Variants in CCDC74A observed in about 807,000 individuals in gnomAD.
The protein encoded by CCDC74A is coiled-coil domain containing 74A.
CCDC74A carries 38 observed loss-of-function variants against 37.6 expected under a neutral mutation model. The observed-to-expected ratio is 1.01, with a 90% CI of 0.78 to 1.33. The LOEUF (loss-of-function observed/expected upper bound fraction) is 1.33. Ranked by LOEUF, CCDC74A falls within the 40% of genes most tolerant of loss-of-function variation. The pLI is 0.00. For synonymous variants in CCDC74A, 134 were observed against 165.2 expected, an observed-to-expected ratio of 0.81 and a Z score of 1.45; for missense variants, 340 against 403.4, an observed-to-expected ratio of 0.84 and a Z score of 1.35.
Position 131,527,991 on chromosome 2 carries a change from G to A in CCDC74A, c.21G>A (p.Ala7=), listed in dbSNP as rs549690077. The part of the protein sequence containing the change: MSGAGV[A]AGTRPPSSPT... The stretch of plus-strand genomic sequence containing the variant: ...GCGATATGAGCGGTGCGGGGGTGGC[G>A]GCTGGGACGCGGCCCCCCAGCTCGC... The change falls in exon 1 of 8, where the codon GCG becomes GCA. Residue 7 remains alanine, a synonymous_variant. Transcript: ENST00000409856. The A allele has an allele frequency of 0.03, 43,746 of 1,436,000 alleles. 669 individuals carry two copies. The highest frequency in any genetic ancestry group is 0.034 in the Non-Finnish European group (37,490 of 1,087,330). 89.0% of individuals were successfully genotyped at this position (1,436,000 alleles called of 1,614,324 possible).
rs777376143 is a variant in CCDC74A at position 131,530,688 on chromosome 2, G to C, written c.296-89G>C. On this transcript the variant is annotated intron_variant, in intron 2 of 7. Coordinates refer to ENST00000409856, the MANE Select transcript of CCDC74A (RefSeq NM_001258306.3). ...CGGGAGGACCCAGCCCTGCCAGGCT[G>C]AAGGAGGGCTCCTCACGGACACACA... 1.9e-5 allele frequency: 31 copies of C among 1,613,206 alleles called. No homozygotes were observed. The South Asian group carries it at 3.2e-4, about 17-fold the overall frequency.
upstream of CCDC74A, among the ~76,000 whole-genome samples, chr2:131,527,321 A>G (rs1680378757): frequency 1.3e-5 from 2 of 151,750 alleles, no homozygotes; most frequent in Admixed American, 1.3e-4. Context: ...GCTGGAGTTC[A>G]GTGGTGCCAT....
At chr2:131,530,008 C>T (rs537982130) in intron 2 of CCDC74A, 36 of 1,549,532 alleles carry the variant, frequency 2.3e-5, no homozygotes, top group African/African-American at 1.8e-4. Flanking sequence ...CAGCCCCTGC[C>T]CTGCTAGATC....
At chr2:131,526,146 C>CTT (rs369118247), upstream of CCDC74A, among the ~76,000 whole-genome samples, 151 of 126,578 alleles carry the variant, frequency 1.2e-3, 1 homozygote, top group East Asian at 5.9e-3. Flanking sequence ...CTTTTTTTTC[C>CTT]TTTTTTTTTT....
Position 131,532,691 on chromosome 2 carries a change from GC to G in CCDC74A, c.592del (p.Leu198PhefsTer74). ...GAGAHPPMIL[P>X]LPLRKPTTLR... Reference sequence around the variant, plus strand: ...CGGGGGCACACCCCCCAATGATCCTGCCCCTTCCCCTGCGAAAGCCCACCAC... The same window carrying G: ...CGGGGGCACACCCCCCAATGATCCTGCCCTTCCCCTGCGAAAGCCCACCAC... On this transcript the variant is annotated frameshift_variant, in exon 5 of 8. Transcript: ENST00000409856. LOFTEE classifies it high-confidence loss of function. 6.2e-7 allele frequency: 1 copy of G among 1,613,406 alleles called. No homozygotes were observed. The highest frequency in any genetic ancestry group is 8.5e-7 in the Non-Finnish European group (1 of 1,179,666).
Position 131,527,999 on chromosome 2 carries a change from C to G in CCDC74A, c.29C>G (p.Thr10Arg). 6.8e-7 allele frequency: 1 copy of G among 1,460,936 alleles called. No individual in the cohort carries two copies. The highest frequency in any genetic ancestry group is 9.0e-7 in the Non-Finnish European group (1 of 1,107,398). 90.5% of individuals were successfully genotyped at this position (1,460,936 alleles called of 1,614,324 possible). Residue 10 changes from threonine to arginine, a missense_variant, in exon 1 of 8, where the codon ACG (threonine) becomes AGG (arginine). Thr to Arg is a moderately conservative substitution (Grantham distance 71, BLOSUM62 -1). Transcript: ENST00000409856. MSGAGVAAG[T>R]RPPSSPTPGS... ...AGCGGTGCGGGGGTGGCGGCTGGGA[C>G]GCGGCCCCCCAGCTCGCCGACCCCG...
intron 1 of CCDC74A, 160 bp downstream of exon 1, chr2:131,528,380 C>T: frequency 6.5e-7 from 1 of 1,549,904 alleles, no homozygotes; most frequent in Non-Finnish European, 8.7e-7. Context: ...GCTGTCCCCT[C>T]CTCCCAGAGG....
upstream of CCDC74A, chr2:131,527,878 C>T: frequency 1.4e-6 from 2 of 1,407,374 alleles, no homozygotes; most frequent in Non-Finnish European, 1.8e-6. Flanking sequence ...CCTTCCGTCG[C>T]CCGGTTTCCA....
At chr2:131,529,387 T>C in intron 1 of CCDC74A, 4 of 634,784 alleles carry the variant, frequency 6.3e-6, no homozygotes, top group Non-Finnish European at 1.1e-5. Flanking sequence ...GCCTGGGCAG[T>C]GTGGATGCCC....
chr2:131,533,504 A>G lies in CCDC74A; in HGVS notation c.*106A>G. On this transcript the variant is annotated 3_prime_UTR_variant, in exon 8 of 8. Coordinates refer to ENST00000409856, the MANE Select transcript of CCDC74A (RefSeq NM_001258306.3). The stretch of plus-strand genomic sequence containing the variant: ...CTACTTTTAGGCCTGGCTAAATTCC[A>G]AGACAGATAACACTCAAGATAGATA... 6.8e-7 allele frequency: 1 copy of G among 1,474,342 alleles called. No homozygotes were observed. 91.3% of individuals were successfully genotyped at this position (1,474,342 alleles called of 1,614,324 possible). A position where few individuals can be genotyped will look rare whatever the true frequency, so the allele number is the denominator to read the frequency against.
upstream of CCDC74A, among the ~76,000 whole-genome samples, chr2:131,526,500 T>G (rs565709376): frequency 3.9e-5 from 6 of 152,332 alleles, no homozygotes; most frequent in African/African-American, 1.2e-4. Flanking sequence ...GTTCCCATTA[T>G]CAGTCTGTAA....
At chr2:131,527,030 A>ATT (rs35146706), upstream of CCDC74A, among the ~76,000 whole-genome samples, 372 of 136,246 alleles carry the variant, frequency 2.7e-3, 2 homozygotes, top group African/African-American at 8.7e-3. Flanking sequence ...CCTGGCTGTG[A>ATT]TTTTTTTTTT....
At chr2:131,526,812 T>C (rs1680347354), upstream of CCDC74A, among the ~76,000 whole-genome samples, 2 of 152,304 alleles carry the variant, frequency 1.3e-5, no homozygotes, top group East Asian at 1.9e-4. Flanking sequence ...AGTGTCTTAG[T>C]TTTTGTCTCC....
chr2:131,526,883 C>T (rs986320120), upstream of CCDC74A, among the ~76,000 whole-genome samples: 8 of 152,120 alleles, frequency 5.3e-5, no homozygotes, highest in Admixed American at 4.6e-4. Context: ...GCAGTTCTTT[C>T]ACTTGTATCC....
At chr2:131,531,279 C>T (rs1359072377) in intron 3 of CCDC74A, among the ~76,000 whole-genome samples, 1 of 152,102 alleles carries the variant, frequency 6.6e-6, no homozygotes, top group Non-Finnish European at 1.5e-5. Flanking sequence ...TCTGTGAGGC[C>T]GGGCATTTTC....
upstream of CCDC74A, among the ~76,000 whole-genome samples, chr2:131,525,752 T>A (rs1680281108): frequency 6.9e-6 from 1 of 144,498 alleles, no homozygotes; most frequent in African/African-American, 2.7e-5. Context: ...GGAGTCTTGT[T>A]CTGTCGCCCA....
chr2:131,528,438 G>C lies in CCDC74A; in HGVS notation c.250+218G>C, dbSNP rs3106071. 4.1e-3 allele frequency: 6,310 copies of C among 1,541,682 alleles called. 201 individuals are homozygous for C. The Admixed American group carries it at 0.06, about 15-fold the overall frequency. ...AGTGCCGACCCTGTCTGCCTGTCTC[G>C]TAGGGCAGCAGCATTTCAGATGCTG... On this transcript the variant is annotated intron_variant, in intron 1 of 7. Coordinates refer to ENST00000409856, the MANE Select transcript of CCDC74A (RefSeq NM_001258306.3).
chr2:131,533,249 A>T lies in CCDC74A; in HGVS notation c.810-20A>T. The T allele has an allele frequency of 1.2e-6, 2 of 1,612,114 alleles. 1 individual carries two copies. Among genetic ancestry groups the T allele is most frequent in the South Asian group, 2.2e-5 (2 of 90,966 alleles). On this transcript the variant is annotated intron_variant, in intron 7 of 7. Transcript: ENST00000409856. ...CACTCCCGGGGATGCTCACGGTGACAGTCCCTCTACCCGCCCCAGCCTGAG... is the reference window on the plus strand; with the variant it reads ...CACTCCCGGGGATGCTCACGGTGACTGTCCCTCTACCCGCCCCAGCCTGAG...
chr2:131,524,873 C>T (rs1009688061), upstream of CCDC74A, among the ~76,000 whole-genome samples: 18 of 88,522 alleles, frequency 2.0e-4, no homozygotes, highest in Non-Finnish European at 3.7e-4. Flanking sequence ...CCAGTCTGGG[C>T]AACATAGTAA....
Sources: gnomAD v4.1 joint callset for allele counts (sites outside exome capture counted in the v4.1 genomes callset) on GRCh38, gnomAD v4.1.1 for gene constraint, MANE v1.5 for transcripts, NCBI Gene and HGNC (gene_info 2026-07-23, HGNC 2026-07-21) for gene names.